The following EYS variants were observed in gnomAD, a reference collection of about 807,000 sequenced individuals.
EYS encodes EGF-like photoreceptor maintenance factor.
A neutral mutation model predicts 282.1 loss-of-function variants in EYS; 250 were observed. The observed-to-expected ratio is 0.89, with a 90% confidence interval of 0.80 to 0.98. The LOEUF (loss-of-function observed/expected upper bound fraction) is 0.98. Among genes scored for constraint, EYS ranks in the 50% least tolerant of loss-of-function variants. The pLI, the probability that EYS is intolerant of heterozygous loss-of-function variation, is 0.00. For synonymous variants in EYS, 1,355 were observed against 1,282.9 expected (o/e 1.06, Z -1.20); for missense variants, 4,016 against 3,709.0 (o/e 1.08, Z -2.15).
At chr6:64,852,676 T>C (rs144074696) in intron 19 of EYS, among the ~76,000 whole-genome samples, 2 of 152,234 alleles carry the variant, frequency 1.3e-5, no homozygotes, top group African/African-American at 4.8e-5. Flanking sequence ...CTGATGTCTT[T>C]ATAAGATTGG....
At chr6:64,685,925 A>G (rs910334909) in intron 22 of EYS, among the ~76,000 whole-genome samples, 1 of 152,146 alleles carries the variant, frequency 6.6e-6, no homozygotes, top group African/African-American at 2.4e-5. Context: ...AAATTGTAAG[A>G]GTTTGAAATC....
intron 24 of EYS, among the ~76,000 whole-genome samples, chr6:64,595,532 A>G (rs1274772679): frequency 6.6e-6 from 1 of 152,190 alleles, no homozygotes; most frequent in Non-Finnish European, 1.5e-5. Flanking sequence ...TTATATATAG[A>G]AAAACCTAAA....
rs57089882 is a variant in EYS at position 65,281,252 on chromosome 6, C to T, written c.2023+14611G>A. Among the ~76,000 whole-genome samples the T allele has an allele frequency of 4.9e-3, 739 of 151,870 alleles. 11 individuals are homozygous for T. The East Asian group carries it at 0.053, about 11-fold the overall frequency. ...ATTTTGAGTATATTAATTTGATATT[C>T]AACTACTCTTATTAGAAGTAGTATT... On this transcript the variant is annotated intron_variant, in intron 12 of 42. Coordinates refer to ENST00000503581, the MANE Select transcript of EYS (RefSeq NM_001142800.2).
chr6:64,765,109 G>C (rs1773282063), intron 22 of EYS, among the ~76,000 whole-genome samples: 1 of 152,170 alleles, frequency 6.6e-6, no homozygotes, highest in Non-Finnish European at 1.5e-5. Flanking sequence ...TATACTCTTA[G>C]AAACAGCCAA....
At chr6:65,057,370 T>A (rs549787055) in intron 13 of EYS, among the ~76,000 whole-genome samples, 1 of 152,272 alleles carries the variant, frequency 6.6e-6, no homozygotes, top group South Asian at 2.1e-4. Context: ...TATCTTTTGG[T>A]TTCATTGGTG....
intron 18 of EYS, 126 bp downstream of exon 18, chr6:64,901,987 C>T: frequency 1.6e-6 from 1 of 624,104 alleles, no homozygotes; most frequent in Admixed American, 3.5e-5. Context: ...TGAGGATGTG[C>T]TGGTACAAGC....
Position 63,792,588 on chromosome 6 carries a change from TAAA to T in EYS, c.7412-3367_7412-3365del, listed in dbSNP as rs528704122. On this transcript the variant is annotated intron_variant, in intron 37 of 42. Coordinates refer to ENST00000503581, the MANE Select transcript of EYS (RefSeq NM_001142800.2). ...ATGTACCCTAGAACTTTAAGTATAATAAAAATATATATATATAAAAAAACAAAA... is the reference window on the plus strand; with the variant it reads ...ATGTACCCTAGAACTTTAAGTATAATAATATATATATATAAAAAAACAAAA... Among the ~76,000 whole-genome samples, 599 of 151,864 alleles carry T rather than the reference TAAA, an allele frequency of 3.9e-3. 20 individuals are homozygous for T. Among genetic ancestry groups the T allele is most frequent in the Admixed American group, 0.034 (519 of 15,266 alleles).
At chr6:64,184,789 TAAG>T (rs1764884781) in intron 31 of EYS, among the ~76,000 whole-genome samples, 1 of 152,188 alleles carries the variant, frequency 6.6e-6, no homozygotes, top group Admixed American at 6.5e-5. Flanking sequence ...TTAAAAAGAA[TAAG>T]AATTTTATTT....
At chr6:65,094,380 A>T (rs1774674429) in intron 12 of EYS, among the ~76,000 whole-genome samples, 1 of 151,018 alleles carries the variant, frequency 6.6e-6, no homozygotes, top group Non-Finnish European at 1.5e-5. Flanking sequence ...ACGGGACCTA[A>T]CAGACACATA....
At chr6:64,963,489 A>G (rs1769993201) in intron 14 of EYS, among the ~76,000 whole-genome samples, 1 of 152,170 alleles carries the variant, frequency 6.6e-6, no homozygotes. Context: ...AATATTGTCA[A>G]CAGTGACCTA....
At chr6:64,286,815 A>C (rs1365442384) in intron 30 of EYS, among the ~76,000 whole-genome samples, 7 of 152,320 alleles carry the variant, frequency 4.6e-5, no homozygotes, top group Non-Finnish European at 1.5e-5. Flanking sequence ...TTTCATACTT[A>C]TATAGGCTTG....
chr6:63,828,108 C>T (rs1171664286), intron 36 of EYS, among the ~76,000 whole-genome samples: 2 of 152,110 alleles, frequency 1.3e-5, no homozygotes, highest in Non-Finnish European at 2.9e-5. Flanking sequence ...AAGGAAAGTT[C>T]ATAGCCCTAA....
At chr6:65,699,927 A>T (rs1156908149) in intron 1 of EYS, among the ~76,000 whole-genome samples, 3 of 151,624 alleles carry the variant, frequency 2.0e-5, no homozygotes, top group African/African-American at 7.3e-5. Context: ...ATCCTGGCTA[A>T]CATGGTGAAA....
chr6:64,658,801 A>C (rs1768866909), intron 22 of EYS, among the ~76,000 whole-genome samples: 1 of 152,204 alleles, frequency 6.6e-6, no homozygotes, highest in Non-Finnish European at 1.5e-5. Context: ...CTTGGGGGTC[A>C]CCCCACTGTC....
chr6:63,995,448 G>C (rs1767793104), intron 34 of EYS, among the ~76,000 whole-genome samples: 1 of 151,966 alleles, frequency 6.6e-6, no homozygotes, highest in Non-Finnish European at 1.5e-5. Flanking sequence ...GAGCACGGTT[G>C]GTCAGGATGT....
At chr6:63,816,047 A>G (rs1582235870) in intron 36 of EYS, among the ~76,000 whole-genome samples, 1 of 150,434 alleles carries the variant, frequency 6.6e-6, no homozygotes, top group South Asian at 2.1e-4. Context: ...CTTGCAAAAT[A>G]CTAACTCATT....
chr6:65,120,378 T>C (rs1251255320), intron 12 of EYS, among the ~76,000 whole-genome samples: 1 of 146,230 alleles, frequency 6.8e-6, no homozygotes, highest in African/African-American at 2.6e-5. Context: ...GCTCTTCTCT[T>C]ACACATCACA....
intron 26 of EYS, among the ~76,000 whole-genome samples, chr6:64,488,658 AAT>A (rs1249451892): frequency 6.6e-6 from 1 of 151,092 alleles, no homozygotes; most frequent in Non-Finnish European, 1.5e-5. Flanking sequence ...ATAAAAATAA[AAT>A]AGAGTACACA....
At chr6:64,653,477 T>C (rs1768635875) in intron 22 of EYS, among the ~76,000 whole-genome samples, 4 of 152,228 alleles carry the variant, frequency 2.6e-5, no homozygotes, top group African/African-American at 9.6e-5. Flanking sequence ...TTTTAATATT[T>C]GGCCACATTT....
Sources: allele counts gnomAD v4.1 joint callset (sites outside exome capture counted in the v4.1 genomes callset), GRCh38; gene constraint gnomAD v4.1.1; transcripts MANE v1.5; gene names NCBI Gene and HGNC (gene_info 2026-07-23, HGNC 2026-07-21).